Variants in JAK1 observed in about 807,000 individuals in gnomAD.
JAK1 encodes the protein tyrosine-protein kinase JAK1.
JAK1 carries 16 observed loss-of-function variants against 136.6 expected under a neutral mutation model. The ratio of observed to expected loss-of-function variants is 0.12; its 90% CI spans 0.08 to 0.18. JAK1 has a LOEUF of 0.18. JAK1 is among the 10% of genes least tolerant of loss of function. JAK1 has a pLI of 1.00. For missense variants in JAK1, 859 were observed against 1,450.1 expected, an observed-to-expected ratio of 0.59 and a Z score of 6.62; for synonymous variants, 492 against 519.5, an observed-to-expected ratio of 0.95 and a Z score of 0.72.
chr1:64,918,065 C>T (rs1198657498), intron 1 of JAK1, among the ~76,000 whole-genome samples: 1 of 152,106 alleles, frequency 6.6e-6, no homozygotes, highest in East Asian at 1.9e-4. Context: ...TAGGTTTATG[C>T]TTGCTCTGGG....
intron 2 of JAK1, among the ~76,000 whole-genome samples, chr1:65,040,071 C>T (rs2100833307): frequency 1.3e-5 from 2 of 152,112 alleles, no homozygotes; most frequent in Admixed American, 1.3e-4. Context: ...AAAAATTAGC[C>T]AGACATGGTG....
At chr1:64,909,135 G>A (rs1208425477) in intron 1 of JAK1, among the ~76,000 whole-genome samples, 1 of 152,186 alleles carries the variant, frequency 6.6e-6, no homozygotes, top group Non-Finnish European at 1.5e-5. Flanking sequence ...GCAACGTAAG[G>A]CATTCCAATC....
At chr1:65,019,028 A>G (rs1407970516) in intron 2 of JAK1, among the ~76,000 whole-genome samples, 2 of 152,104 alleles carry the variant, frequency 1.3e-5, no homozygotes, top group African/African-American at 4.8e-5. Context: ...TAAAAATAAA[A>G]ATAATACAAA....
At chr1:64,954,807 G>C (rs1454856044) in intron 1 of JAK1, among the ~76,000 whole-genome samples, 1 of 152,182 alleles carries the variant, frequency 6.6e-6, no homozygotes, top group Non-Finnish European at 1.5e-5. Context: ...AAACTGGATA[G>C]CAACTAAAAA....
chr1:64,936,760 A>G (rs367950549), intron 1 of JAK1, among the ~76,000 whole-genome samples: 9 of 152,282 alleles, frequency 5.9e-5, no homozygotes, highest in East Asian at 5.8e-4. Context: ...TTAGAACACC[A>G]TAAGTGCTAT....
chr1:64,871,921 A>G lies in JAK1; in HGVS notation c.483+1449T>C, dbSNP rs139217162. Among the ~76,000 whole-genome samples the G allele has an allele frequency of 2.6e-5, 4 of 152,236 alleles. No individual in the cohort carries two copies. The East Asian group carries it at 7.7e-4, about 29-fold the overall frequency. On this transcript the variant is annotated intron_variant, in intron 5 of 24. Transcript: ENST00000342505. Reference sequence around the variant, plus strand: ...AACATACATAAAATGAAGCCTTCCAAATGGCTTCCCACCACACTCAGGGTT... The same window carrying G: ...AACATACATAAAATGAAGCCTTCCAGATGGCTTCCCACCACACTCAGGGTT...
At chr1:64,923,036 G>C (rs1414522577) in intron 1 of JAK1, among the ~76,000 whole-genome samples, 2 of 152,194 alleles carry the variant, frequency 1.3e-5, no homozygotes, top group African/African-American at 2.4e-5. Context: ...ACAAGCCAAT[G>C]TGACTCTGTG....
intron 1 of JAK1, among the ~76,000 whole-genome samples, chr1:64,886,777 CACACACACACACACAG>C (rs1042062062): frequency 5.4e-5 from 8 of 147,870 alleles, no homozygotes; most frequent in Middle Eastern, 3.4e-3. Flanking sequence ...CACACACACA[CACACACACACACACAG>C]AGCTTTGTAT....
intron 1 of JAK1, among the ~76,000 whole-genome samples, chr1:64,958,570 T>A (rs6696345): frequency 0.66 from 100,430 of 152,156 alleles, 35,575 homozygotes; most frequent in Middle Eastern, 0.88. Flanking sequence ...TTATAATATA[T>A]ATTGCATCTG....
upstream of JAK1, among the ~76,000 whole-genome samples, chr1:64,970,611 A>G (rs1646442609): frequency 6.6e-6 from 1 of 150,974 alleles, no homozygotes; most frequent in South Asian, 2.1e-4. Context: ...AAAAAATACA[A>G]AAATTAGCCA....
chr1:64,898,207 A>G (rs984480329), intron 1 of JAK1, among the ~76,000 whole-genome samples: 1 of 152,220 alleles, frequency 6.6e-6, no homozygotes, highest in African/African-American at 2.4e-5. Context: ...TGGGACATCC[A>G]CTAATAGCAC....
chr1:64,844,931 C>T lies in JAK1; in HGVS notation c.2116-42G>A, dbSNP rs753768412. The T allele has an allele frequency of 6.1e-5, 98 of 1,613,164 alleles. No homozygotes were observed. In the Middle Eastern group the frequency reaches 6.6e-4, roughly 11 times the overall value. ...TCAAGTTTAGCCAAGCTGCTCCTTCCCGCATTCTATTTCCAACCCTGGTCC... is the reference window on the plus strand; with the variant it reads ...TCAAGTTTAGCCAAGCTGCTCCTTCTCGCATTCTATTTCCAACCCTGGTCC... On this transcript the variant is annotated intron_variant, in intron 15 of 24. Coordinates refer to ENST00000342505, the MANE Select transcript of JAK1 (RefSeq NM_002227.4). The surrounding 1 kb of genome is among the most constrained non-coding windows in gnomAD (Gnocchi z 5.7).
chr1:64,870,502 TG>T (rs1657009693), intron 5 of JAK1, among the ~76,000 whole-genome samples: 1 of 152,058 alleles, frequency 6.6e-6, no homozygotes, highest in Non-Finnish European at 1.5e-5. Flanking sequence ...TTGAGTACCC[TG>T]GGGGCCCAGG....
chr1:65,048,414 T>C (rs1048562934), intron 1 of JAK1, among the ~76,000 whole-genome samples: 8 of 152,160 alleles, frequency 5.3e-5, no homozygotes, highest in Non-Finnish European at 1.0e-4. Flanking sequence ...GTGCTCAGGA[T>C]GAAAAAATAA....
At chr1:64,981,684 A>G (rs1394335964) in intron 2 of JAK1, among the ~76,000 whole-genome samples, 1 of 152,210 alleles carries the variant, frequency 6.6e-6, no homozygotes, top group Non-Finnish European at 1.5e-5. Flanking sequence ...AAGGACTAAC[A>G]TGTATTTAAG....
At chr1:64,860,759 G>C (rs1367905424) in intron 8 of JAK1, among the ~76,000 whole-genome samples, 1 of 151,810 alleles carries the variant, frequency 6.6e-6, no homozygotes, top group African/African-American at 2.4e-5. Context: ...GATCCCCCTT[G>C]CATTTATATA....
intron 1 of JAK1, among the ~76,000 whole-genome samples, chr1:65,046,318 A>T (rs549269653): frequency 1.1e-4 from 17 of 152,318 alleles, no homozygotes; most frequent in African/African-American, 4.1e-4. Flanking sequence ...GAGGCCCTTA[A>T]GTCAGACACG....
chr1:64,889,830 A>C (rs1203260965), intron 1 of JAK1, among the ~76,000 whole-genome samples: 1 of 152,254 alleles, frequency 6.6e-6, no homozygotes, highest in Admixed American at 6.5e-5. Flanking sequence ...AGACTATTTT[A>C]ATGTTCATAA....
At chr1:64,937,300 C>T (rs1038860560) in intron 1 of JAK1, among the ~76,000 whole-genome samples, 5 of 152,204 alleles carry the variant, frequency 3.3e-5, no homozygotes, top group African/African-American at 4.8e-5. Flanking sequence ...CAGCATTCTT[C>T]TCCTTCTAGT....
Sources: gnomAD v4.1 joint callset for allele counts (sites outside exome capture counted in the v4.1 genomes callset) on GRCh38, gnomAD v4.1.1 for gene constraint, Gnocchi (gnomAD v3.1) non-coding constraint, MANE v1.5 for transcripts, NCBI Gene and HGNC (gene_info 2026-07-23, HGNC 2026-07-21) for gene names.